The following JARID2 variants were observed in gnomAD, a reference collection of about 807,000 sequenced individuals.
The protein encoded by JARID2 is protein Jumonji.
A neutral mutation model predicts 125.6 loss-of-function variants in JARID2; 21 were observed. The observed-to-expected ratio is 0.17, with a 90% CI of 0.12 to 0.24. The LOEUF (loss-of-function observed/expected upper bound fraction) is 0.24. Ranked by LOEUF, JARID2 falls within the 10% of genes least tolerant of loss-of-function variation. JARID2 has a pLI of 1.00. For missense variants in JARID2, 1,303 were observed against 1,639.6 expected (o/e 0.79, Z 3.55); for synonymous variants, 736 against 661.6 (o/e 1.11, Z -1.73).
chr6:15,415,540 T>A (rs1364947020), intron 3 of JARID2, among the ~76,000 whole-genome samples: 110 of 122,622 alleles, frequency 9.0e-4, no homozygotes, highest in African/African-American at 3.9e-3. Context: ...GCCCCTCACC[T>A]CCCGGGCAGA....
rs192772738 is a variant in JARID2, at chr6:15,339,116, C to T, written c.46-35001C>T. Among the ~76,000 whole-genome samples, 7 of 152,090 alleles carry T rather than the reference C, an allele frequency of 4.6e-5. No individual in the cohort carries two copies. In the East Asian group the frequency reaches 1.2e-3, roughly 25 times the overall value. On this transcript the variant is annotated intron_variant, in intron 1 of 17. Transcript: ENST00000341776. ...ATGACCTTAAATGGGATCCCAGTGA[C>T]GAGGTGGAAGACGGGAAGCGGAGAC...
At chr6:15,500,214 C>T (rs2127742017) in intron 7 of JARID2, among the ~76,000 whole-genome samples, 1 of 152,298 alleles carries the variant, frequency 6.6e-6, no homozygotes, top group South Asian at 2.1e-4. Flanking sequence ...TCAGGAGGGG[C>T]ACTGAGCACC....
At chr6:15,376,322 C>CA (rs1764352045) in intron 2 of JARID2, among the ~76,000 whole-genome samples, 1 of 152,146 alleles carries the variant, frequency 6.6e-6, no homozygotes, top group Non-Finnish European at 1.5e-5. Context: ...TTTATGAAGG[C>CA]AGCGTTCCAA....
At chr6:15,295,075 T>C (rs183460031) in intron 1 of JARID2, among the ~76,000 whole-genome samples, 77 of 152,078 alleles carry the variant, frequency 5.1e-4, no homozygotes, top group Middle Eastern at 3.4e-3. Context: ...TATTACTTCA[T>C]GCAGACCATT....
chr6:15,246,272 C>G lies in JARID2; in HGVS notation c.-268C>G. 12 of 501,490 alleles carry G rather than the reference C, an allele frequency of 2.4e-5. No homozygotes were observed. The highest frequency in any genetic ancestry group is 7.0e-6 in the Non-Finnish European group (2 of 286,186). The allele number at this position is 501,490 out of a possible 1,614,324, so 31.1% of individuals were successfully genotyped here. On this transcript the variant is annotated 5_prime_UTR_variant, in exon 1 of 18. Coordinates refer to ENST00000341776, the MANE Select transcript of JARID2 (RefSeq NM_004973.4). ...TTTTTGTGTGTGTGTGTATGTGTTT[C>G]GGGGGAAATTTTCCATTATGAGTGT... is the stretch of plus-strand genomic sequence containing the variant.
intron 7 of JARID2, among the ~76,000 whole-genome samples, chr6:15,500,671 C>T (rs960121189): frequency 3.3e-5 from 5 of 152,168 alleles, no homozygotes; most frequent in African/African-American, 1.2e-4. Flanking sequence ...AGACGCTCCC[C>T]ACCTAAAATG....
At chr6:15,349,244 A>G (rs990179044) in intron 1 of JARID2, among the ~76,000 whole-genome samples, 3 of 152,194 alleles carry the variant, frequency 2.0e-5, no homozygotes, top group Admixed American at 6.5e-5. Context: ...TTTCTAATCC[A>G]AGATGGTGAC....
chr6:15,372,001 T>C (rs567274822), intron 1 of JARID2, among the ~76,000 whole-genome samples: 1 of 152,350 alleles, frequency 6.6e-6, no homozygotes, highest in East Asian at 1.9e-4. Context: ...TTCCTCTTGC[T>C]GTAGAAGATG....
At chr6:15,360,103 T>C (rs1184479262) in intron 1 of JARID2, among the ~76,000 whole-genome samples, 1 of 152,162 alleles carries the variant, frequency 6.6e-6, no homozygotes, top group Non-Finnish European at 1.5e-5. Flanking sequence ...CTTGAGTAAT[T>C]TCTCTTTCTA....
chr6:15,517,140 G>A (rs762291384), intron 16 of JARID2, 21 bp from the exon 17 acceptor site: 2 of 1,584,408 alleles, frequency 1.3e-6, no homozygotes, highest in East Asian at 2.2e-5. Context: ...TGACCTTCGG[G>A]TGTCCTGCTC....
rs367941514 is a variant in JARID2, at chr6:15,517,237, G to A, written c.3527G>A (p.Arg1176Gln). The change falls in exon 17 of 18, where the codon CGA (arginine) becomes CAA (glutamine). Residue 1176 changes from arginine to glutamine, a missense_variant. Transcript: ENST00000341776. ...LRHVEKQKSC[R>Q]GLKLMYRYDE... The stretch of plus-strand genomic sequence containing the variant: ...CACGTGGAGAAACAGAAGTCCTGCC[G>A]AGGGCTGAAGTTGATGTACCGCTAC... 32 of 1,613,852 alleles carry A rather than the reference G, an allele frequency of 2.0e-5. No individual in the cohort carries two copies. In the African/African-American group the frequency reaches 2.4e-4, roughly 12 times the overall value.
intron 7 of JARID2, 54 bp from the exon 8 acceptor site, chr6:15,500,853 T>G: frequency 2.7e-6 from 4 of 1,486,182 alleles, no homozygotes; most frequent in South Asian, 1.3e-5. Context: ...GAGGAACATC[T>G]TGTTCGTGTC....
At chr6:15,462,779 C>A (rs955337358) in intron 4 of JARID2, among the ~76,000 whole-genome samples, 2 of 152,056 alleles carry the variant, frequency 1.3e-5, no homozygotes, top group Non-Finnish European at 2.9e-5. Flanking sequence ...AAGAACTGAT[C>A]GAGGGAGGGA....
chr6:15,508,998 G>T (rs1160820571), intron 12 of JARID2: 1 of 1,289,256 alleles, frequency 7.8e-7, no homozygotes, highest in Non-Finnish European at 1.0e-6. Context: ...TCATCTATCG[G>T]TGGCTGTGGG....
intron 1 of JARID2, among the ~76,000 whole-genome samples, chr6:15,296,881 C>T (rs78085551): frequency 0.026 from 3,890 of 152,210 alleles, 182 homozygotes; most frequent in African/African-American, 0.088. Flanking sequence ...ATTTCATTTT[C>T]CATTTTGGTT....
chr6:15,487,482 G>C lies in JARID2; in HGVS notation c.846G>C (p.Gly282=), dbSNP rs1413543708. The C allele has an allele frequency of 6.2e-7, 1 of 1,614,136 alleles. No individual in the cohort carries two copies. Among genetic ancestry groups the C allele is most frequent in the Admixed American group, 1.7e-5 (1 of 60,020 alleles). The change falls in exon 6 of 18, where the codon GGG becomes GGC. Residue 282 remains glycine (G), a synonymous_variant. Coordinates refer to ENST00000341776, the MANE Select transcript of JARID2 (RefSeq NM_004973.4). The part of the protein sequence containing the change: ...AAPSTGSSAK[G]LAATHHHPPL... The stretch of plus-strand genomic sequence containing the variant: ...CCTCCACGGGTTCCTCGGCCAAGGG[G>C]CTTGCTGCCACCCATCACCACCCCC...
chr6:15,386,081 CAATTGATGATTTTTGTACTTTTACT>C (rs1270503701), intron 2 of JARID2, among the ~76,000 whole-genome samples: 1 of 152,132 alleles, frequency 6.6e-6, no homozygotes, highest in East Asian at 1.9e-4. Flanking sequence ...TCTTAATTCT[CAATTGATGATTTTTGTACTTTTACT>C]AATATTTTTG....
intron 3 of JARID2, among the ~76,000 whole-genome samples, chr6:15,438,971 T>C (rs1400066490): frequency 6.6e-6 from 1 of 151,178 alleles, no homozygotes; most frequent in African/African-American, 2.4e-5. Flanking sequence ...GGGGGAGGTT[T>C]TAGTGAGCTG....
chr6:15,392,699 T>TTTTTG (rs1765068717), intron 2 of JARID2, among the ~76,000 whole-genome samples: 1 of 145,342 alleles, frequency 6.9e-6, no homozygotes, highest in African/African-American at 2.5e-5. Flanking sequence ...TTTTTTTTTT[T>TTTTTG]GAGTCAGGGT....
Sources: allele counts gnomAD v4.1 joint callset (sites outside exome capture counted in the v4.1 genomes callset), GRCh38; gene constraint gnomAD v4.1.1; transcripts MANE v1.5; gene names NCBI Gene and HGNC (gene_info 2026-07-23, HGNC 2026-07-21).